The following LDLRAD4 variants were observed in gnomAD, a reference collection of about 807,000 sequenced individuals.
LDLRAD4 encodes low-density lipoprotein receptor class A domain-containing protein 4.
Under a neutral mutation model 17.0 loss-of-function variants are expected in LDLRAD4, and 5 were observed. The observed-to-expected ratio is 0.29, with a 90% CI of 0.15 to 0.62. The LOEUF is 0.62. Among genes scored for constraint, LDLRAD4 ranks in the 20% least tolerant of loss-of-function variants. LDLRAD4 has a pLI of 0.84. For synonymous variants in LDLRAD4, 168 were observed against 171.8 expected (o/e 0.98, Z 0.17); for missense variants, 340 against 424.7 (o/e 0.80, Z 1.75).
intron 3 of LDLRAD4, among the ~76,000 whole-genome samples, chr18:13,538,002 A>C (rs1461162467): frequency 6.6e-6 from 1 of 152,088 alleles, no homozygotes; most frequent in Non-Finnish European, 1.5e-5. Flanking sequence ...GCCTTTTAAT[A>C]TTTGTAGGAT....
chr18:13,646,679 A>G (rs1035583745), exon 6 of LDLRAD4: 7 of 152,658 alleles, frequency 4.6e-5, no homozygotes, highest in Admixed American at 4.6e-4. Context: ...TCACTATAGC[A>G]TGAAATATAT....
At chr18:13,340,038 T>A (rs1254620224) in intron 1 of LDLRAD4, among the ~76,000 whole-genome samples, 1 of 152,242 alleles carries the variant, frequency 6.6e-6, no homozygotes, top group Non-Finnish European at 1.5e-5. Flanking sequence ...ATTTGTCCTT[T>A]TGTGACTGGC....
At chr18:13,434,363 T>C (rs554770305) in intron 2 of LDLRAD4, among the ~76,000 whole-genome samples, 3 of 152,166 alleles carry the variant, frequency 2.0e-5, no homozygotes, top group East Asian at 1.9e-4. Flanking sequence ...TTAAATCTTA[T>C]AGGTTATAAT....
chr18:13,427,049 G>C (rs1244791813), intron 2 of LDLRAD4, among the ~76,000 whole-genome samples: 1 of 152,118 alleles, frequency 6.6e-6, no homozygotes, highest in African/African-American at 2.4e-5. Flanking sequence ...AGCCAGGCGT[G>C]GTGGTGCACA....
At chr18:13,415,481 G>A (rs1034975495) in intron 2 of LDLRAD4, among the ~76,000 whole-genome samples, 3 of 152,190 alleles carry the variant, frequency 2.0e-5, no homozygotes, top group African/African-American at 7.2e-5. Flanking sequence ...GGGTGGGTGT[G>A]GGGTGGGAGG....
At chr18:13,506,616 T>A (rs1182051348) in intron 3 of LDLRAD4, among the ~76,000 whole-genome samples, 1 of 152,192 alleles carries the variant, frequency 6.6e-6, no homozygotes, top group Admixed American at 6.5e-5. Flanking sequence ...AGATCACTGA[T>A]GAAGGTGGCT....
At chr18:13,328,330 A>G (rs1229317220) in intron 1 of LDLRAD4, among the ~76,000 whole-genome samples, 2 of 152,218 alleles carry the variant, frequency 1.3e-5, no homozygotes, top group Non-Finnish European at 2.9e-5. Context: ...CTCAGTGTGC[A>G]TGTGCCTGTT....
chr18:13,540,976 C>T (rs753021156), intron 3 of LDLRAD4, among the ~76,000 whole-genome samples: 55 of 152,280 alleles, frequency 3.6e-4, no homozygotes, highest in South Asian at 1.0e-3. Flanking sequence ...GCACTGCCAG[C>T]GGTCCCTGAG....
At chr18:13,410,290 C>T (rs1378024669) in intron 2 of LDLRAD4, among the ~76,000 whole-genome samples, 1 of 151,794 alleles carries the variant, frequency 6.6e-6, no homozygotes, top group Non-Finnish European at 1.5e-5. Flanking sequence ...TAGATGGGAT[C>T]CTGGGATAGA....
intron 1 of LDLRAD4, among the ~76,000 whole-genome samples, chr18:13,338,270 A>G (rs761160569): frequency 3.3e-5 from 5 of 152,060 alleles, no homozygotes; most frequent in South Asian, 2.1e-4. Flanking sequence ...ACCCATTGCT[A>G]TATGTTCTCC....
chr18:13,395,112 C>CA (rs578188430), intron 2 of LDLRAD4, among the ~76,000 whole-genome samples: 1 of 152,144 alleles, frequency 6.6e-6, no homozygotes, highest in Non-Finnish European at 1.5e-5. Flanking sequence ...ACTGATAGAT[C>CA]AGCTGACCTC....
At chr18:13,354,138 G>A (rs2083201184) in intron 1 of LDLRAD4, among the ~76,000 whole-genome samples, 1 of 152,166 alleles carries the variant, frequency 6.6e-6, no homozygotes, top group African/African-American at 2.4e-5. Context: ...AAGCCCAAGA[G>A]TTCGAGGCTG....
intron 1 of LDLRAD4, among the ~76,000 whole-genome samples, chr18:13,331,164 G>GA (rs2081845585): frequency 6.6e-6 from 1 of 152,254 alleles, no homozygotes; most frequent in Non-Finnish European, 1.5e-5. Context: ...TTGTCAGCCA[G>GA]AAGGACAGGT....
chr18:13,445,875 G>C (rs2091373559), intron 3 of LDLRAD4, among the ~76,000 whole-genome samples: 1 of 152,102 alleles, frequency 6.6e-6, no homozygotes, highest in Non-Finnish European at 1.5e-5. Flanking sequence ...GTGTCACCTG[G>C]AGTCACCACC....
chr18:13,538,677 A>AG (rs2147915763), intron 3 of LDLRAD4, among the ~76,000 whole-genome samples: 1 of 152,312 alleles, frequency 6.6e-6, no homozygotes, highest in South Asian at 2.1e-4. Flanking sequence ...GGTGTATGCC[A>AG]GTATTCCAAG....
chr18:13,623,024 C>G (rs545034586), intron 4 of LDLRAD4, among the ~76,000 whole-genome samples: 1 of 152,338 alleles, frequency 6.6e-6, no homozygotes, highest in Non-Finnish European at 1.5e-5. Context: ...GCTCCTTGCT[C>G]TGTTCCTGGT....
chr18:13,351,890 C>G (rs2083057172), intron 1 of LDLRAD4, among the ~76,000 whole-genome samples: 2 of 152,150 alleles, frequency 1.3e-5, no homozygotes, highest in African/African-American at 4.8e-5. Context: ...CCGAATCCAG[C>G]AGCACATCAA....
intron 1 of LDLRAD4, among the ~76,000 whole-genome samples, chr18:13,299,896 C>T (rs1428461445): frequency 6.6e-6 from 1 of 152,136 alleles, no homozygotes; most frequent in Non-Finnish European, 1.5e-5. Flanking sequence ...TACATGGCTG[C>T]TGGTGGTGAC....
intron 4 of LDLRAD4, chr18:13,641,753 C>A: frequency 1.0e-6 from 1 of 985,348 alleles, no homozygotes; most frequent in Non-Finnish European, 1.2e-6. Flanking sequence ...CTGGGTCAGC[C>A]GAGGGCCGGG....
Sources: allele counts gnomAD v4.1 joint callset (sites outside exome capture counted in the v4.1 genomes callset), GRCh38; gene constraint gnomAD v4.1.1; transcripts MANE v1.5; gene names NCBI Gene and HGNC (gene_info 2026-07-23, HGNC 2026-07-21).